MDFIC: variants seen among roughly 807,000 people sequenced by gnomAD.
MDFIC encodes the protein myoD family inhibitor domain-containing protein.
MDFIC carries 17 observed loss-of-function variants against 23.2 expected under a neutral mutation model. The observed-to-expected ratio is 0.73, with a 90% confidence interval of 0.50 to 1.10. The LOEUF (loss-of-function observed/expected upper bound fraction) is 1.10, where lower values mean the gene tolerates loss of function less well. Ranked by LOEUF, MDFIC falls within the 50% of genes least tolerant of loss-of-function variation. MDFIC has a pLI of 0.00. For missense variants in MDFIC, 356 were observed against 316.6 expected (o/e 1.12, Z -0.95); for synonymous variants, 120 against 115.2 (o/e 1.04, Z -0.27).
In MDFIC at chr7:114,987,234, G is replaced by A. The variant is rs569859809; in HGVS notation, c.493+7453G>A. Among the ~76,000 whole-genome samples, 82 of 152,218 alleles carry A rather than the reference G, an allele frequency of 5.4e-4. No individual in the cohort carries two copies. The Middle Eastern group carries it at 0.014, about 25-fold the overall frequency. On this transcript the variant is annotated intron_variant, in intron 4 of 4. Coordinates refer to ENST00000393486, the MANE Select transcript of MDFIC (RefSeq NM_001166345.3). ...GAAGGTGGGAAAAGAAATTAGAAAG[G>A]TAAAATTGAAATTGAGTTGTTTGCT...
chr7:114,925,826 A>C (rs1792179785), intron 2 of MDFIC, among the ~76,000 whole-genome samples: 1 of 152,192 alleles, frequency 6.6e-6, no homozygotes, highest in South Asian at 2.1e-4. Context: ...GTGCAGGCCA[A>C]ACAAAACAAC....
chr7:114,932,775 T>G (rs1792339945), intron 2 of MDFIC, among the ~76,000 whole-genome samples: 1 of 152,182 alleles, frequency 6.6e-6, no homozygotes, highest in Non-Finnish European at 1.5e-5. Flanking sequence ...TTAGTGAAGT[T>G]TATAAGTTCC....
intron 3 of MDFIC, among the ~76,000 whole-genome samples, chr7:114,957,721 G>A (rs900930201): frequency 6.6e-6 from 1 of 152,130 alleles, no homozygotes; most frequent in South Asian, 2.1e-4. Flanking sequence ...TGGAAATATA[G>A]CATAAGACTA....
chr7:114,922,152 A>G lies in MDFIC; in HGVS notation c.-592A>G. The G allele has an allele frequency of 2.9e-6, 1 of 344,314 alleles. No individual in the cohort carries two copies. The highest frequency in any genetic ancestry group is 5.2e-6 in the Non-Finnish European group (1 of 192,208). The allele number at this position is 344,314 out of a possible 1,614,324, so 21.3% of individuals were successfully genotyped here. ...AGCGCCCGGGTGGGGAGCCCGAGCC[A>G]GCCCAGGCCGGCTCTGGCCTCCTGA... is the stretch of plus-strand genomic sequence containing the variant. On this transcript the variant is annotated 5_prime_UTR_variant, in exon 1 of 5. Transcript: ENST00000393486.
intron 1 of MDFIC, 80 bp from the exon 2 acceptor site, chr7:114,922,847 G>C (rs1792112447): frequency 5.5e-6 from 8 of 1,457,520 alleles, no homozygotes; most frequent in South Asian, 5.2e-5. Flanking sequence ...GGAAGTGGAG[G>C]GGGAGGGAAC....
intron 4 of MDFIC, among the ~76,000 whole-genome samples, chr7:114,983,563 C>CT (rs11388500): frequency 0.46 from 40,978 of 88,206 alleles, 11,369 homozygotes; most frequent in African/African-American, 0.54. Flanking sequence ...TCATCAGGTA[C>CT]TTTTTTTTTT....
At chr7:114,938,282 T>A (rs547413453) in intron 2 of MDFIC, among the ~76,000 whole-genome samples, 2 of 152,294 alleles carry the variant, frequency 1.3e-5, no homozygotes, top group Middle Eastern at 3.4e-3. Context: ...ATAGTTATCC[T>A]TACATGGAGA....
At chr7:115,012,667 G>A (rs907754010) in intron 4 of MDFIC, among the ~76,000 whole-genome samples, 1 of 152,060 alleles carries the variant, frequency 6.6e-6, no homozygotes, top group Non-Finnish European at 1.5e-5. Context: ...CACTGATGAT[G>A]ACCAAAATAT....
chr7:114,948,416 G>A (rs1792692460), intron 3 of MDFIC, among the ~76,000 whole-genome samples: 1 of 152,050 alleles, frequency 6.6e-6, no homozygotes, highest in South Asian at 2.1e-4. Flanking sequence ...TTCTGAGGAG[G>A]TGAATAGGAA....
chr7:114,942,275 GA>G lies in MDFIC; in HGVS notation c.99del (p.Lys33AsnfsTer11). On this transcript the variant is annotated frameshift_variant and splice_region_variant, in exon 3 of 5. Coordinates refer to ENST00000393486, the MANE Select transcript of MDFIC (RefSeq NM_001166345.3). LOFTEE classifies it high-confidence loss of function. The part of the protein sequence containing the change: ...GGGQLGSTAQ[G>X]KCDKDNTEKD... ...ATTAAATGTATCTTTTTTAATTCAGGAAAATGTGATAAAGACAATACTGAGA... is the reference window on the plus strand; with the variant it reads ...ATTAAATGTATCTTTTTTAATTCAGGAAATGTGATAAAGACAATACTGAGA... 2.7e-6 allele frequency: 4 copies of G among 1,482,044 alleles called. No homozygotes were observed. The highest frequency in any genetic ancestry group is 2.7e-5 in the South Asian group (2 of 75,324). The allele number at this position is 1,482,044 out of a possible 1,614,324, so 91.8% of individuals were successfully genotyped here. A position where few individuals can be genotyped will look rare whatever the true frequency, so the allele number is the denominator to read the frequency against.
intron 4 of MDFIC, among the ~76,000 whole-genome samples, chr7:114,984,116 A>G (rs1003025131): frequency 9.2e-5 from 14 of 152,144 alleles, no homozygotes; most frequent in Admixed American, 2.0e-4. Flanking sequence ...AGTTTTCTGA[A>G]AAAAAGGTAA....
chr7:114,978,820 C>T (rs1188398174), intron 3 of MDFIC, among the ~76,000 whole-genome samples: 1 of 152,044 alleles, frequency 6.6e-6, no homozygotes, highest in Non-Finnish European at 1.5e-5. Flanking sequence ...ATCTCCTGCA[C>T]AATATTGCAT....
chr7:114,963,355 C>A (rs6974433), intron 3 of MDFIC, among the ~76,000 whole-genome samples: 72,826 of 151,920 alleles, frequency 0.48, 17,797 homozygotes, highest in Non-Finnish European at 0.53. Flanking sequence ...GGCTTTCCAT[C>A]AGGTCAGCAA....
rs1375495873 is a variant in MDFIC, at chr7:115,016,282, T to TG, written c.*347_*348insG. 4.1e-6 allele frequency: 1 copy of TG among 242,570 alleles called. No individual in the cohort carries two copies. Among genetic ancestry groups the TG allele is most frequent in the Non-Finnish European group, 8.1e-6 (1 of 123,974 alleles). 15.0% of individuals were successfully genotyped at this position (242,570 alleles called of 1,614,324 possible). A position where few individuals can be genotyped will look rare whatever the true frequency, so the allele number is the denominator to read the frequency against. ...CACTTTGCTCCAAATATATTATTTTTCAGTGTGTATTTAAACGAGGCAGTT... is the reference window on the plus strand; with the variant it reads ...CACTTTGCTCCAAATATATTATTTTTGCAGTGTGTATTTAAACGAGGCAGTT... On this transcript the variant is annotated 3_prime_UTR_variant, in exon 5 of 5. Transcript: ENST00000393486.
intron 3 of MDFIC, among the ~76,000 whole-genome samples, chr7:114,957,444 G>C (rs1792904539): frequency 6.6e-6 from 1 of 152,048 alleles, no homozygotes; most frequent in Non-Finnish European, 1.5e-5. Flanking sequence ...GCTAGAGTTT[G>C]TTCTTGGCAT....
chr7:114,925,177 A>C (rs1792165059), intron 2 of MDFIC, among the ~76,000 whole-genome samples: 1 of 152,126 alleles, frequency 6.6e-6, no homozygotes, highest in Non-Finnish European at 1.5e-5. Flanking sequence ...GATCAAGTCT[A>C]CCCCTGCAAA....
intron 3 of MDFIC, among the ~76,000 whole-genome samples, chr7:114,948,135 G>T (rs554403030): frequency 6.6e-6 from 1 of 152,304 alleles, no homozygotes; most frequent in South Asian, 2.1e-4. Flanking sequence ...GGGGAGGGAA[G>T]AGATGCTTTA....
At chr7:114,988,268 G>C (rs2116007889) in intron 4 of MDFIC, among the ~76,000 whole-genome samples, 1 of 152,248 alleles carries the variant, frequency 6.6e-6, no homozygotes, top group South Asian at 2.1e-4. Context: ...TAGGGTGTGG[G>C]GTAGTTGGAT....
intron 2 of MDFIC, among the ~76,000 whole-genome samples, chr7:114,938,101 A>G (rs953937812): frequency 6.6e-6 from 1 of 152,070 alleles, no homozygotes; most frequent in Non-Finnish European, 1.5e-5. Flanking sequence ...AGATTGCAGG[A>G]ATGTGCCACC....
Sources: allele counts gnomAD v4.1 joint callset (sites outside exome capture counted in the v4.1 genomes callset), GRCh38; gene constraint gnomAD v4.1.1; transcripts MANE v1.5; gene names NCBI Gene and HGNC (gene_info 2026-07-23, HGNC 2026-07-21).